The following TRPT1 variants were observed in gnomAD, a reference collection of about 807,000 sequenced individuals.
TRPT1 encodes the protein tRNA 2'-phosphotransferase 1.
A neutral mutation model predicts 28.4 loss-of-function variants in TRPT1; 22 were observed. That is an observed-to-expected ratio of 0.78 (90% CI 0.55 to 1.11). TRPT1 has a LOEUF of 1.11. TRPT1 is among the 50% of genes least tolerant of loss of function. The pLI, the probability that TRPT1 is intolerant of heterozygous loss-of-function variation, is 0.00. For missense variants in TRPT1, 308 were observed against 317.7 expected (o/e 0.97, Z 0.23); for synonymous variants, 137 against 132.4 (o/e 1.03, Z -0.24).
chr11:64,224,002 A>G, intron 7 of TRPT1, 35 bp from the exon 8 acceptor site: 1 of 1,598,102 alleles, frequency 6.3e-7, no homozygotes, highest in African/African-American at 1.3e-5. Context: ...AGAAAGGGAC[A>G]CCTAAGTCAG....
chr11:64,224,947 G>A lies in TRPT1; in HGVS notation c.181C>T (p.Leu61Phe). ...CCGCGGAACTGGGGCAACTGCAGGA[G>A]GGTGCCCAGGGGCACGAAGCCATCT... ...GADGFVPLGT[L>F]LQLPQFRGFS... The change falls in exon 4 of 8, where the codon CTC (leucine) becomes TTC (phenylalanine). Residue 61 changes from leucine to phenylalanine, a missense_variant. Transcript: ENST00000317459. 2 of 1,565,948 alleles carry A rather than the reference G, an allele frequency of 1.3e-6. No individual in the cohort carries two copies. Among genetic ancestry groups the A allele is most frequent in the Non-Finnish European group, 1.7e-6 (2 of 1,155,556 alleles).
chr11:64,224,385 G>A, intron 5 of TRPT1, 44 bp from the exon 6 acceptor site: 2 of 1,612,150 alleles, frequency 1.2e-6, no homozygotes, highest in Non-Finnish European at 1.7e-6. Context: ...CTGGAGTGCA[G>A]TCAGCAACCT....
rs377206849 is a variant in TRPT1, at chr11:64,224,625, G to T, written c.420C>A (p.Ile140=). 3.1e-6 allele frequency: 5 copies of T among 1,608,234 alleles called. No homozygotes were observed. In the East Asian group the frequency reaches 1.1e-4, roughly 36 times the overall value. The part of the protein sequence containing the change: ...HGTFWKHWPS[I]LLKGLSCQGR... ...CCTGGCAGGACAGGCCTTTGAGTAG[G>T]ATGGATGGCCAGTGCTTCCAGAATG... is the stretch of plus-strand genomic sequence containing the variant. The change falls in exon 5 of 8, where the codon ATC becomes ATA. Residue 140 remains isoleucine, a synonymous_variant. Transcript: ENST00000317459.
chr11:64,225,323 C>A (rs1946925258), intron 3 of TRPT1, 176 bp downstream of exon 3: 2 of 634,438 alleles, frequency 3.2e-6, no homozygotes, highest in African/African-American at 3.7e-5. Context: ...AAGAACTCTC[C>A]TCAGTCTGCT....
At chr11:64,224,778 C>T (rs376725655) in intron 4 of TRPT1, 23 bp downstream of exon 4, 3 of 1,612,242 alleles carry the variant, frequency 1.9e-6, no homozygotes, top group African/African-American at 1.3e-5. Context: ...CATCTCGTCT[C>T]GCACTTGTCC....
chr11:64,225,627 C>G (rs775155992), intron 2 of TRPT1, 47 bp from the exon 3 acceptor site: 6 of 1,559,030 alleles, frequency 3.8e-6, no homozygotes, highest in Non-Finnish European at 4.4e-6. Flanking sequence ...TGACCCTGCC[C>G]TACTGCCCAT....
chr11:64,224,514 A>T (rs1485618498), intron 5 of TRPT1, 29 bp downstream of exon 5: 2 of 1,564,072 alleles, frequency 1.3e-6, no homozygotes, highest in Non-Finnish European at 1.7e-6. Context: ...AGTGGGTGGG[A>T]GTAGCTAGGT....
chr11:64,225,609 C>G, intron 2 of TRPT1, 29 bp from the exon 3 acceptor site: 1 of 1,592,012 alleles, frequency 6.3e-7, no homozygotes, highest in African/African-American at 1.3e-5. Flanking sequence ...GGCCCCTAGT[C>G]TCCATGGTGA....
intron 1 of TRPT1, 37 bp from the exon 2 acceptor site, chr11:64,225,906 G>GGGA: frequency 8.0e-7 from 1 of 1,250,464 alleles, no homozygotes; most frequent in Non-Finnish European, 1.1e-6. Flanking sequence ...CTGCTTTAAG[G>GGGA]CCCCTTCCAC....
intron 3 of TRPT1, 180 bp from the exon 4 acceptor site, chr11:64,225,150 A>G (rs1478799016): frequency 2.1e-5 from 15 of 715,088 alleles, no homozygotes; most frequent in Non-Finnish European, 3.2e-5. Flanking sequence ...TAAAAAGAGG[A>G]TCTGCCTCAC....
chr11:64,224,742 C>A (rs1946866200), intron 4 of TRPT1, 25 bp from the exon 5 acceptor site: 9 of 1,602,886 alleles, frequency 5.6e-6, no homozygotes, highest in Admixed American at 1.7e-5. Flanking sequence ...AGCAGTGAGA[C>A]CCCCTTCGCA....
chr11:64,224,583 G>A lies in TRPT1; in HGVS notation c.462C>T (p.His154=). 1 of 1,588,068 alleles carries A rather than the reference G, an allele frequency of 6.3e-7. No homozygotes were observed. Among genetic ancestry groups the A allele is most frequent in the East Asian group, 2.2e-5 (1 of 44,704 alleles). The change falls in exon 5 of 8, where the codon CAC becomes CAT. Residue 154 remains histidine, a synonymous_variant. Transcript: ENST00000317459. ...GGTCTCCAGGCAGTCCTGGGGCCAG[G>A]TGAATGTGCGTCCTTCCCTGGCAGG... ...GLSCQGRTHI[H]LAPGLPGDPG... is the part of the protein sequence containing the mutation.
chr11:64,224,371 G>A, intron 5 of TRPT1, 30 bp from the exon 6 acceptor site: 7 of 1,613,022 alleles, frequency 4.3e-6, no homozygotes, highest in African/African-American at 1.3e-5. Context: ...TGAGGCCTGG[G>A]CACCTGGAGT....
chr11:64,226,196 G>A, upstream of TRPT1: 3 of 415,892 alleles, frequency 7.2e-6, no homozygotes, highest in African/African-American at 2.1e-5. Flanking sequence ...CAAACCTCCA[G>A]GATCCTCGAC....
rs1731869904 is a variant in TRPT1 at position 64,224,835 on chromosome 11, A to C, written c.293T>G (p.Leu98Arg). 1.9e-6 allele frequency: 3 copies of C among 1,613,684 alleles called. No homozygotes were observed. The highest frequency in any genetic ancestry group is 1.3e-5 in the African/African-American group (1 of 75,042). ...ATGGCCCTGGTTGGCCCGGATGAGA[A>C]GGCCAGTGCTGGGATCCCCCAGCTG... ...ALQLGDPSTG[L>R]LIRANQGHSL... The change falls in exon 4 of 8, where the codon CTT becomes CGT. Residue 98 changes from leucine (L) to arginine (R), a missense_variant. Coordinates refer to ENST00000317459, the MANE Select transcript of TRPT1 (RefSeq NM_001033678.4).
At chr11:64,225,667 G>A (rs573676698) in intron 2 of TRPT1, 87 bp from the exon 3 acceptor site, 1 of 1,433,660 alleles carries the variant, frequency 7.0e-7, no homozygotes, top group Non-Finnish European at 9.6e-7. Flanking sequence ...ACTGCAGAGA[G>A]AGCCCAGAGA....
In TRPT1 at chr11:64,223,902, T is replaced by TCCCCAAGAAA; in HGVS notation, c.735_736insTTTCTTGGGG (p.Arg246PhefsTer15). On this transcript the variant is annotated frameshift_variant, in exon 8 of 8. Transcript: ENST00000317459. LOFTEE classifies it high-confidence loss of function. ...TATTGTTGGATCCTCCTCCTTTCTC[T>TCCCCAAGAAA]GGAGCTGTGCTTGGGGCTACTCTGA... The TCCCCAAGAAA allele has an allele frequency of 6.2e-7, 1 of 1,611,952 alleles. No individual in the cohort carries two copies. The highest frequency in any genetic ancestry group is 1.1e-5 in the South Asian group (1 of 90,656).
chr11:64,226,151 C>G lies in TRPT1; in HGVS notation c.-111G>C, dbSNP rs1591063779. 1.2e-5 allele frequency: 5 copies of G among 433,334 alleles called. No individual in the cohort carries two copies. The highest frequency in any genetic ancestry group is 4.1e-5 in the African/African-American group (2 of 48,364). The allele number at this position is 433,334 out of a possible 1,614,324, so 26.8% of individuals were successfully genotyped here. A position where few individuals can be genotyped will look rare whatever the true frequency, so the allele number is the denominator to read the frequency against. On this transcript the variant is annotated 5_prime_UTR_variant, in exon 1 of 8. Coordinates refer to ENST00000317459, the MANE Select transcript of TRPT1 (RefSeq NM_001033678.4). ...GGTCCGGGAGGCAGGGCCGACGTGC[C>G]GACGGACCGGGCGGAAGCGTCGGGG...
chr11:64,225,713 C>A, intron 2 of TRPT1, 73 bp downstream of exon 2: 1 of 1,389,352 alleles, frequency 7.2e-7, no homozygotes, highest in Non-Finnish European at 9.9e-7. Flanking sequence ...AATAGTAGGA[C>A]CCTTCAGCTC....
Sources: gnomAD v4.1 joint callset for allele counts on GRCh38, gnomAD v4.1.1 for gene constraint, MANE v1.5 for transcripts, NCBI Gene and HGNC (gene_info 2026-07-23, HGNC 2026-07-21) for gene names.